Variants in EVC2 observed in about 807,000 individuals in gnomAD.
The protein encoded by EVC2 is limbin.
Under a neutral mutation model 149.3 loss-of-function variants are expected in EVC2, and 148 were observed. The observed-to-expected ratio is 0.99, with a 90% CI of 0.87 to 1.14. EVC2 has a LOEUF of 1.14. Ranked by LOEUF, EVC2 falls within the 50% of genes most tolerant of loss-of-function variation. The pLI, the probability that EVC2 is intolerant of heterozygous loss-of-function variation, is 0.00. For synonymous variants in EVC2, 776 were observed against 649.9 expected, an observed-to-expected ratio of 1.19 and a Z score of -2.95; for missense variants, 1,854 against 1,627.3, an observed-to-expected ratio of 1.14 and a Z score of -2.40.
Position 5,681,287 on chromosome 4 carries a change from A to G in EVC2, c.843T>C (p.Phe281=). ...SRNRTQLKVL[F]SITAEENVTV... The stretch of plus-strand genomic sequence containing the variant: ...TTACGTTTTCTTCTGCTGTTATGGA[A>G]AAAAGCACTTTCAGCTGTGTTCTGT... The change falls in exon 7 of 22, where the codon TTT becomes TTC. Residue 281 remains phenylalanine, a synonymous_variant. Transcript: ENST00000344408. The G allele has an allele frequency of 6.2e-7, 1 of 1,614,234 alleles. No homozygotes were observed. The highest frequency in any genetic ancestry group is 8.5e-7 in the Non-Finnish European group (1 of 1,180,038).
downstream of EVC2, among the ~76,000 whole-genome samples, chr4:5,539,785 AC>A (rs1721483059): frequency 6.6e-6 from 1 of 152,062 alleles, no homozygotes; most frequent in Admixed American, 6.5e-5. Flanking sequence ...AAACACACAC[AC>A]ACACACACAC....
chr4:5,648,717 G>A (rs1376948723), intron 9 of EVC2, among the ~76,000 whole-genome samples: 1 of 152,168 alleles, frequency 6.6e-6, no homozygotes, highest in African/African-American at 2.4e-5. Context: ...CTTCCCAGTT[G>A]CCTGGGAAGA....
rs538644479 is a variant in EVC2 at position 5,651,949 on chromosome 4, G to A, written c.1146-11111C>T. Reference sequence around the variant, plus strand: ...ATATATCTGATGATTATAATCAGGCGATCACAAAATATCACCAATCCAGGC... The same window carrying A: ...ATATATCTGATGATTATAATCAGGCAATCACAAAATATCACCAATCCAGGC... On this transcript the variant is annotated intron_variant, in intron 9 of 21. Transcript: ENST00000344408. Among the ~76,000 whole-genome samples, 5 of 152,348 alleles carry A rather than the reference G, an allele frequency of 3.3e-5. No individual in the cohort carries two copies. In the East Asian group the frequency reaches 5.8e-4, roughly 18 times the overall value.
intron 21 of EVC2, among the ~76,000 whole-genome samples, chr4:5,545,656 T>C (rs1241959719): frequency 6.6e-6 from 1 of 152,116 alleles, no homozygotes; most frequent in Non-Finnish European, 1.5e-5. Flanking sequence ...TCCCTTTCTA[T>C]CATACTAGAG....
exon 23 of EVC2, chr4:5,542,845 C>T (rs11726728): frequency 0.12 from 33,959 of 290,106 alleles, 2,790 homozygotes; most frequent in South Asian, 0.28. Flanking sequence ...GCGCAGTGTG[C>T]CCACAGCTGG....
In EVC2 at chr4:5,613,958, G is replaced by C. The variant is rs1227368492; in HGVS notation, c.2829+1464C>G. Among the ~76,000 whole-genome samples the C allele has an allele frequency of 1.3e-5, 2 of 152,054 alleles. No homozygotes were observed. The highest frequency in any genetic ancestry group is 4.8e-5 in the African/African-American group (2 of 41,406). Reference sequence around the variant, plus strand: ...CATTCGTGTTCTGAGAAATACACCGGCACTAAAATAAAAACAAGCAAAAAA... The same window carrying C: ...CATTCGTGTTCTGAGAAATACACCGCCACTAAAATAAAAACAAGCAAAAAA... On this transcript the variant is annotated intron_variant, in intron 16 of 21. Transcript: ENST00000344408. The surrounding 1 kb of genome is among the most constrained non-coding windows in gnomAD (Gnocchi z 4.6).
chr4:5,542,531 G>A (rs976558211), downstream of EVC2, among the ~76,000 whole-genome samples: 2 of 152,174 alleles, frequency 1.3e-5, no homozygotes, highest in Admixed American at 1.3e-4. Flanking sequence ...CCATCCCTCT[G>A]GGGCCACAAC....
the EVC2 span, among the ~76,000 whole-genome samples, chr4:5,532,580 C>A: frequency 6.6e-6 from 1 of 152,098 alleles, no homozygotes; most frequent in African/African-American, 2.4e-5. Flanking sequence ...GCTCTTCAGC[C>A]CACCTCATCT....
intron 7 of EVC2, 69 bp downstream of exon 7, chr4:5,681,191 C>G (rs1720315310): frequency 6.3e-7 from 1 of 1,587,108 alleles, no homozygotes; most frequent in Non-Finnish European, 8.7e-7. Context: ...CCCATGGCTC[C>G]AAGGACAGGC....
In EVC2 at chr4:5,562,507, A is replaced by T; in HGVS notation, c.*341T>A. 8.7e-7 allele frequency: 1 copy of T among 1,154,816 alleles called. No homozygotes were observed. The highest frequency in any genetic ancestry group is 5.1e-5 in the East Asian group (1 of 19,782). The allele number at this position is 1,154,816 out of a possible 1,614,324, so 71.5% of individuals were successfully genotyped here. ...ATAGAATATGTAACAAATACAAAAC[A>T]TAAGAGTAGAGAATCTGGCTGTCAC... On this transcript the variant is annotated 3_prime_UTR_variant, in exon 22 of 22. Transcript: ENST00000344408. This position sits in a 1 kb window ranked among gnomAD's most constrained non-coding sequence, Gnocchi z 4.3.
chr4:5,691,850 C>T (rs1721141291), intron 3 of EVC2, among the ~76,000 whole-genome samples: 1 of 152,218 alleles, frequency 6.6e-6, no homozygotes, highest in South Asian at 2.1e-4. Flanking sequence ...CGAAAAGGTT[C>T]CAAAGGAAAG....
rs564260534 is a variant in EVC2 at position 5,628,928 on chromosome 4, C to T, written c.1711-194G>A. Among the ~76,000 whole-genome samples the T allele has an allele frequency of 2.0e-5, 3 of 152,288 alleles. No homozygotes were observed. In the East Asian group the frequency reaches 5.8e-4, roughly 29 times the overall value. ...ATTACATACAAATAAGAAATGAGGGCTTTGAAAAGTGCATTCTAGACCCAG... is the reference window on the plus strand; with the variant it reads ...ATTACATACAAATAAGAAATGAGGGTTTTGAAAAGTGCATTCTAGACCCAG... On this transcript the variant is annotated intron_variant, in intron 11 of 21. Transcript: ENST00000344408.
intron 10 of EVC2, among the ~76,000 whole-genome samples, chr4:5,638,296 A>G (rs927649722): frequency 2.0e-5 from 3 of 151,954 alleles, no homozygotes; most frequent in Non-Finnish European, 2.9e-5. Context: ...GGCTGAGGCA[A>G]GAGAATCACT....
chr4:5,592,155 G>C (rs2108797876), intron 16 of EVC2, among the ~76,000 whole-genome samples: 1 of 152,274 alleles, frequency 6.6e-6, no homozygotes, highest in East Asian at 1.9e-4. Context: ...AACTAGACTG[G>C]AGAATGTGGC....
At chr4:5,594,961 G>A (rs1056178965) in intron 16 of EVC2, among the ~76,000 whole-genome samples, 6 of 152,166 alleles carry the variant, frequency 3.9e-5, no homozygotes, top group African/African-American at 1.2e-4. Context: ...TGGAAGAAAG[G>A]CTATCAGTGA....
intron 6 of EVC2, among the ~76,000 whole-genome samples, chr4:5,682,853 C>T (rs1180619931): frequency 1.3e-5 from 2 of 148,818 alleles, no homozygotes; most frequent in Admixed American, 1.3e-4. Context: ...GAGTGAAACG[C>T]TGTCTCAAAA....
At chr4:5,544,655 T>C (rs974592698) in intron 21 of EVC2, among the ~76,000 whole-genome samples, 16 of 152,182 alleles carry the variant, frequency 1.1e-4, no homozygotes, top group Non-Finnish European at 2.1e-4. Flanking sequence ...GTTCTCCGCA[T>C]ATCACACTGG....
intron 6 of EVC2, among the ~76,000 whole-genome samples, chr4:5,682,729 G>A (rs1335543155): frequency 1.3e-5 from 2 of 151,262 alleles, no homozygotes; most frequent in Non-Finnish European, 2.9e-5. Context: ...TGTGGTGGTG[G>A]GTGCCTGTAA....
At chr4:5,537,685 G>A in the EVC2 span, among the ~76,000 whole-genome samples, 10 of 152,208 alleles carry the variant, frequency 6.6e-5, no homozygotes, top group African/African-American at 1.9e-4. Context: ...AAGGAGTACC[G>A]GGCAAGTAAA....
Sources: gnomAD v4.1 joint callset for allele counts (sites outside exome capture counted in the v4.1 genomes callset) on GRCh38, gnomAD v4.1.1 for gene constraint, Gnocchi (gnomAD v3.1) non-coding constraint, MANE v1.5 for transcripts, NCBI Gene and HGNC (gene_info 2026-07-23, HGNC 2026-07-21) for gene names.